The following RERE variants were observed in gnomAD, a reference collection of about 807,000 sequenced individuals.
The protein encoded by RERE is arginine-glutamic acid dipeptide repeats.
Under a neutral mutation model 146.1 loss-of-function variants are expected in RERE, and 40 were observed. The ratio of observed to expected loss-of-function variants is 0.27; its 90% CI spans 0.21 to 0.36. RERE has a LOEUF of 0.36. Among genes scored for constraint, RERE ranks in the 10% least tolerant of loss-of-function variants. The pLI is 1.00. For missense variants in RERE, 1,933 were observed against 2,138.7 expected, an observed-to-expected ratio of 0.90 and a Z score of 1.90; for synonymous variants, 1,003 against 866.0, an observed-to-expected ratio of 1.16 and a Z score of -2.78.
intron 2 of RERE, among the ~76,000 whole-genome samples, chr1:8,640,128 C>G (rs1647157032): frequency 6.6e-6 from 1 of 151,192 alleles, no homozygotes; most frequent in African/African-American, 2.4e-5. Context: ...GCACTCCAAC[C>G]TGGGTGACAG....
chr1:8,399,481 T>A (rs977960357), intron 12 of RERE, among the ~76,000 whole-genome samples: 8 of 152,164 alleles, frequency 5.3e-5, no homozygotes, highest in African/African-American at 1.9e-4. Flanking sequence ...TCTGCCCCCA[T>A]TACACTGACG....
At position 8,667,547 on chromosome 1, in the gene RERE, C is replaced by T. The variant is rs755701997; in HGVS notation, c.-144-11106G>A. On this transcript the variant is annotated intron_variant, in intron 1 of 22. Transcript: ENST00000400908. ...AAAAAATTAGCTGGGCATGGTGGCA[C>T]GTGCCTGTAATTCCAGCTACTTGGG... Among the ~76,000 whole-genome samples the T allele has an allele frequency of 8.4e-4, 128 of 152,180 alleles. 1 individual carries two copies. Among genetic ancestry groups the T allele is most frequent in the African/African-American group, 1.2e-3 (48 of 41,536 alleles).
At chr1:8,509,984 C>T (rs1307735335) in intron 7 of RERE, among the ~76,000 whole-genome samples, 1 of 152,024 alleles carries the variant, frequency 6.6e-6, no homozygotes, top group Admixed American at 6.5e-5. Context: ...CAATCATTTT[C>T]TCATGAAGAA....
At chr1:8,773,964 A>G (rs1569767175) in intron 1 of RERE, among the ~76,000 whole-genome samples, 2 of 152,310 alleles carry the variant, frequency 1.3e-5, no homozygotes, top group South Asian at 2.1e-4. Flanking sequence ...GATCTTTCCC[A>G]CTCATTTACT....
chr1:8,602,438 T>A (rs1025846597), intron 4 of RERE, among the ~76,000 whole-genome samples: 5 of 150,776 alleles, frequency 3.3e-5, no homozygotes. Context: ...CCTCACGCTA[T>A]GTTCACTGGA....
At chr1:8,758,231 C>T (rs1640684026) in intron 1 of RERE, among the ~76,000 whole-genome samples, 1 of 151,732 alleles carries the variant, frequency 6.6e-6, no homozygotes, top group Non-Finnish European at 1.5e-5. Flanking sequence ...GATTACAGGC[C>T]TGCGCCACCA....
At chr1:8,390,694 T>C (rs1248035876) in intron 12 of RERE, among the ~76,000 whole-genome samples, 1 of 152,214 alleles carries the variant, frequency 6.6e-6, no homozygotes, top group Non-Finnish European at 1.5e-5. Context: ...TTAAAAACTA[T>C]GTACATTTTG....
intron 1 of RERE, among the ~76,000 whole-genome samples, chr1:8,763,605 A>C (rs542031419): frequency 6.6e-6 from 1 of 152,288 alleles, no homozygotes; most frequent in South Asian, 2.1e-4. Context: ...ACTGCACTCC[A>C]ACCTGGGCGA....
intron 4 of RERE, among the ~76,000 whole-genome samples, chr1:8,567,703 ATTTG>A (rs1266916547): frequency 8.5e-5 from 13 of 152,282 alleles, no homozygotes; most frequent in African/African-American, 2.9e-4. Context: ...TCATTCTTGT[ATTTG>A]TTTGTAGCAG....
chr1:8,405,809 T>C (rs1050652294), intron 12 of RERE, among the ~76,000 whole-genome samples: 47 of 152,076 alleles, frequency 3.1e-4, no homozygotes, highest in African/African-American at 1.1e-3. Flanking sequence ...CAGCTAATTT[T>C]TGTATTTTTA....
At chr1:8,508,922 G>A (rs533636500) in intron 7 of RERE, among the ~76,000 whole-genome samples, 11 of 151,840 alleles carry the variant, frequency 7.2e-5, no homozygotes, top group East Asian at 3.9e-4. Flanking sequence ...CTACATCATC[G>A]TTCTTTTTTT....
intron 12 of RERE, among the ~76,000 whole-genome samples, chr1:8,410,165 T>C (rs1348898461): frequency 6.6e-6 from 1 of 152,014 alleles, no homozygotes; most frequent in Admixed American, 6.6e-5. Flanking sequence ...CATGCATGCA[T>C]ACCTGCCTGC....
At chr1:8,457,348 G>C (rs1424686408) in intron 11 of RERE, among the ~76,000 whole-genome samples, 3 of 152,152 alleles carry the variant, frequency 2.0e-5, no homozygotes, top group African/African-American at 7.2e-5. Flanking sequence ...TCAGTACTTT[G>C]CCTCATAAAT....
intron 7 of RERE, among the ~76,000 whole-genome samples, chr1:8,514,786 AAATAAT>A (rs915416030): frequency 7.9e-4 from 120 of 151,942 alleles, no homozygotes; most frequent in Non-Finnish European, 1.5e-4. Flanking sequence ...AAGAAAAGAG[AAATAAT>A]AATAATAATA....
chr1:8,369,535 A>G (rs75427749), intron 12 of RERE, among the ~76,000 whole-genome samples: 23,342 of 137,944 alleles, frequency 0.17, 2,980 homozygotes, highest in East Asian at 0.69. Flanking sequence ...AAAAAAAAAA[A>G]AAGAAGAAAA....
At chr1:8,412,027 G>T (rs78645010) in intron 12 of RERE, among the ~76,000 whole-genome samples, 1,876 of 152,290 alleles carry the variant, frequency 0.012, 36 homozygotes, top group African/African-American at 0.043. Context: ...CAGAGCACTT[G>T]TGGGAAGAAG....
chr1:8,436,009 G>A (rs1157796876), intron 11 of RERE, among the ~76,000 whole-genome samples: 1 of 152,150 alleles, frequency 6.6e-6, no homozygotes, highest in Non-Finnish European at 1.5e-5. Flanking sequence ...TGGCCACACA[G>A]CTACGCCCAA....
chr1:8,739,339 A>T (rs904040884), intron 1 of RERE, among the ~76,000 whole-genome samples: 3 of 152,086 alleles, frequency 2.0e-5, no homozygotes, highest in African/African-American at 7.2e-5. Context: ...CACTCTGTGA[A>T]ATTTGCCAGA....
At position 8,588,702 on chromosome 1, in the gene RERE, A is replaced by G. The variant is rs141875348; in HGVS notation, c.522+25859T>C. Among the ~76,000 whole-genome samples the G allele has an allele frequency of 3.3e-3, 497 of 152,366 alleles. 5 individuals are homozygous for G. Among genetic ancestry groups the G allele is most frequent in the African/African-American group, 0.012 (481 of 41,582 alleles). ...AAATCTTTATGAAATACTTTTGATC[A>G]TGAACTTATCTGCTAAATCATCCCT... On this transcript the variant is annotated intron_variant, in intron 4 of 22. Coordinates refer to ENST00000400908, the MANE Select transcript of RERE (RefSeq NM_001042681.2).
Sources: gnomAD v4.1 joint callset for allele counts (sites outside exome capture counted in the v4.1 genomes callset) on GRCh38, gnomAD v4.1.1 for gene constraint, MANE v1.5 for transcripts, NCBI Gene and HGNC (gene_info 2026-07-23, HGNC 2026-07-21) for gene names.